The following PEX7 variants were observed in gnomAD, a reference collection of about 807,000 sequenced individuals.
PEX7 encodes the protein PTS2 receptor.
In PEX7, 34 loss-of-function variants were observed where a neutral mutation model predicts 47.5. That is an observed-to-expected ratio of 0.72 (90% CI 0.54 to 0.95). The LOEUF (loss-of-function observed/expected upper bound fraction) is 0.95, where lower values mean the gene tolerates loss of function less well. Ranked by LOEUF, PEX7 falls within the 40% of genes least tolerant of loss-of-function variation. The pLI is 0.00. For missense variants in PEX7, 394 were observed against 400.3 expected, an observed-to-expected ratio of 0.98 and a Z score of 0.13; for synonymous variants, 141 against 148.8, an observed-to-expected ratio of 0.95 and a Z score of 0.38.
At chr6:136,853,609 T>G (rs1562738280) in intron 5 of PEX7, among the ~76,000 whole-genome samples, 1 of 152,320 alleles carries the variant, frequency 6.6e-6, no homozygotes, top group East Asian at 1.9e-4. Flanking sequence ...CAAACCATCC[T>G]AAATTGTGAA....
At chr6:136,893,117 A>G (rs1017293568) in intron 8 of PEX7, among the ~76,000 whole-genome samples, 3 of 152,318 alleles carry the variant, frequency 2.0e-5, no homozygotes, top group South Asian at 2.1e-4. Context: ...TAAATGAAAA[A>G]TGTTTATTAA....
At chr6:136,911,771 C>A (rs1038073505) in intron 9 of PEX7, among the ~76,000 whole-genome samples, 4 of 152,128 alleles carry the variant, frequency 2.6e-5, no homozygotes, top group Non-Finnish European at 5.9e-5. Context: ...CATTGTTTTG[C>A]AAACATATGT....
intron 8 of PEX7, among the ~76,000 whole-genome samples, chr6:136,874,825 A>C (rs1775241842): frequency 6.6e-6 from 1 of 152,108 alleles, no homozygotes; most frequent in African/African-American, 2.4e-5. Flanking sequence ...CAGCAGGCAG[A>C]ATTTTAATTT....
At chr6:136,850,745 G>A (rs892883008) in intron 5 of PEX7, among the ~76,000 whole-genome samples, 3 of 152,074 alleles carry the variant, frequency 2.0e-5, no homozygotes, top group Non-Finnish European at 2.9e-5. Flanking sequence ...CAATGAGCAG[G>A]TTGAGCTTGG....
chr6:136,856,364 A>G (rs1205819416), intron 5 of PEX7, among the ~76,000 whole-genome samples: 2 of 151,886 alleles, frequency 1.3e-5, no homozygotes, highest in Non-Finnish European at 2.9e-5. Context: ...ATTTGCTCAC[A>G]TAAGTGAAAA....
Position 136,880,920 on chromosome 6 carries a change from A to G in PEX7, c.803+8667A>G, listed in dbSNP as rs559129761. Among the ~76,000 whole-genome samples, 4 of 152,318 alleles carry G rather than the reference A, an allele frequency of 2.6e-5. No homozygotes were observed. The East Asian group carries it at 7.7e-4, about 29-fold the overall frequency. On this transcript the variant is annotated intron_variant, in intron 8 of 9. Transcript: ENST00000318471. ...CTCCCAGCTCTCAAAAGTGTACTTT[A>G]ACCAGGCTTTTGTTTGTTTTTTAGT...
chr6:136,856,174 A>G (rs1774858608), intron 5 of PEX7, among the ~76,000 whole-genome samples: 1 of 152,084 alleles, frequency 6.6e-6, no homozygotes, highest in Admixed American at 6.6e-5. Context: ...TCTTTTATCA[A>G]CAGAATGACT....
At chr6:136,885,138 A>G (rs1251164892) in intron 8 of PEX7, among the ~76,000 whole-genome samples, 3 of 152,176 alleles carry the variant, frequency 2.0e-5, no homozygotes, top group Non-Finnish European at 4.4e-5. Context: ...CAACCAAACA[A>G]AAGTAAAAGC....
intron 5 of PEX7, among the ~76,000 whole-genome samples, chr6:136,864,037 C>G (rs1047874156): frequency 6.6e-6 from 1 of 152,064 alleles, no homozygotes; most frequent in Non-Finnish European, 1.5e-5. Flanking sequence ...GGTTCTGGTT[C>G]CAGGTCCTGG....
chr6:136,837,633 CA>C (rs1562730957), intron 3 of PEX7, among the ~76,000 whole-genome samples: 85 of 152,212 alleles, frequency 5.6e-4, no homozygotes, highest in Admixed American at 1.7e-3. Flanking sequence ...TTGGAGAAGT[CA>C]TTTATTCCAG....
chr6:136,869,285 A>C (rs151228430), intron 6 of PEX7, among the ~76,000 whole-genome samples: 109 of 152,048 alleles, frequency 7.2e-4, no homozygotes, highest in African/African-American at 2.3e-3. Context: ...TGTGTCATCC[A>C]GGCTGAGGTA....
At chr6:136,846,277 A>G in intron 5 of PEX7, 96 bp downstream of exon 5, 1 of 610,808 alleles carries the variant, frequency 1.6e-6, no homozygotes, top group Non-Finnish European at 3.0e-6. Context: ...CTTCAGAGAG[A>G]AAACAGGAGA....
chr6:136,903,581 T>G (rs1314014530), intron 9 of PEX7, among the ~76,000 whole-genome samples: 1 of 151,944 alleles, frequency 6.6e-6, no homozygotes, highest in Non-Finnish European at 1.5e-5. Context: ...GAAGTAGTTT[T>G]GTATATTTTT....
chr6:136,899,615 A>G (rs1775717566), intron 9 of PEX7, among the ~76,000 whole-genome samples: 1 of 151,950 alleles, frequency 6.6e-6, no homozygotes, highest in Non-Finnish European at 1.5e-5. Context: ...CCTGACCTCA[A>G]GTGATCCACC....
intron 5 of PEX7, among the ~76,000 whole-genome samples, chr6:136,858,243 C>T (rs1299987140): frequency 6.6e-6 from 1 of 152,182 alleles, no homozygotes; most frequent in African/African-American, 2.4e-5. Flanking sequence ...AAGCTGCTGC[C>T]TTATGGACAA....
intron 3 of PEX7, among the ~76,000 whole-genome samples, chr6:136,829,143 A>G (rs184279766): frequency 4.2e-4 from 64 of 152,310 alleles, no homozygotes; most frequent in African/African-American, 1.3e-3. Flanking sequence ...AATGAAGATA[A>G]CCTTTTTAGG....
intron 5 of PEX7, among the ~76,000 whole-genome samples, chr6:136,853,620 AG>A (rs1452502696): frequency 1.3e-5 from 2 of 152,194 alleles, no homozygotes; most frequent in African/African-American, 4.8e-5. Flanking sequence ...AAATTGTGAA[AG>A]TACTATTAGG....
At chr6:136,850,939 G>A (rs1421581706) in intron 5 of PEX7, among the ~76,000 whole-genome samples, 1 of 39,374 alleles carries the variant, frequency 2.5e-5, no homozygotes, top group Non-Finnish European at 5.1e-5. Flanking sequence ...TTTTTTTTTT[G>A]CATTGTCTAA....
intron 6 of PEX7, 133 bp from the exon 7 acceptor site, chr6:136,869,757 C>T: frequency 1.3e-6 from 1 of 784,132 alleles, no homozygotes; most frequent in Non-Finnish European, 2.3e-6. Flanking sequence ...ACTTGTTATA[C>T]AACTTCTCAA....
Sources: allele counts gnomAD v4.1 joint callset (sites outside exome capture counted in the v4.1 genomes callset), GRCh38; gene constraint gnomAD v4.1.1; transcripts MANE v1.5; gene names NCBI Gene and HGNC (gene_info 2026-07-23, HGNC 2026-07-21).